PPP1R13L: variants seen among roughly 807,000 people sequenced by gnomAD.
PPP1R13L encodes the protein relA-associated inhibitor.
PPP1R13L carries 50 observed loss-of-function variants against 80.9 expected under a neutral mutation model. The observed-to-expected ratio is 0.62, with a 90% CI of 0.49 to 0.78. The LOEUF (loss-of-function observed/expected upper bound fraction) is 0.78. PPP1R13L is among the 30% of genes least tolerant of loss of function. The pLI, the probability that PPP1R13L is intolerant of heterozygous loss-of-function variation, is 0.00. For missense variants in PPP1R13L, 1,200 were observed against 1,205.9 expected, an observed-to-expected ratio of 1.00 and a Z score of 0.07; for synonymous variants, 602 against 534.3, an observed-to-expected ratio of 1.13 and a Z score of -1.75.
At position 45,385,559 on chromosome 19, in the gene PPP1R13L, C is replaced by T. The variant is rs944775420; in HGVS notation, c.2248+3G>A. ...CCCAGGCGCCAGCAGCCCTGCCTCG[C>T]ACCTGCCAGGTAGGTGGCGCAGTCA... On this transcript the variant is annotated splice_donor_region_variant and intron_variant, in intron 11 of 12. Transcript: ENST00000360957. 5 of 1,608,958 alleles carry T rather than the reference C, an allele frequency of 3.1e-6. No homozygotes were observed. Among genetic ancestry groups the T allele is most frequent in the Non-Finnish European group, 4.2e-6 (5 of 1,177,380 alleles).
chr19:45,405,904 G>T (rs35149616), upstream of PPP1R13L, among the ~76,000 whole-genome samples: 64 of 152,286 alleles, frequency 4.2e-4, no homozygotes, highest in Middle Eastern at 3.4e-3. Context: ...CTGTTTACAC[G>T]CTCCCTGGGG....
chr19:45,391,842 G>C, intron 8 of PPP1R13L, 38 bp downstream of exon 8: 1 of 1,406,988 alleles, frequency 7.1e-7, no homozygotes, highest in Non-Finnish European at 9.3e-7. Flanking sequence ...CTGGATTCAT[G>C]TAGCAAACAT....
chr19:45,382,810 TG>T (rs1291980770), intron 11 of PPP1R13L, 84 bp from the exon 12 acceptor site: 1 of 1,346,686 alleles, frequency 7.4e-7, no homozygotes, highest in African/African-American at 1.5e-5. Flanking sequence ...GGACAGACCC[TG>T]GAATTTGGCG....
Position 45,396,677 on chromosome 19 carries a change from G to A in PPP1R13L, c.580C>T (p.Gln194Ter), listed in dbSNP as rs2123386598. 1 of 1,438,808 alleles carries A rather than the reference G, an allele frequency of 7.0e-7. No individual in the cohort carries two copies. Among genetic ancestry groups the A allele is most frequent in the Non-Finnish European group, 9.0e-7 (1 of 1,107,594 alleles). The allele number at this position is 1,438,808 out of a possible 1,614,324, so 89.1% of individuals were successfully genotyped here. ...GGCCCACGCTCGGGGAAGAAGGCCT[G>A]GGGCCCCTCCGCCAGGGGGCTGCCG... ...PRGSPLAEGPQAFFPERGPSP... is the reference protein window; with the variant it reads ...PRGSPLAEGP Residue 194 changes from glutamine (Q) to a stop codon, truncating the protein, a stop_gained, in exon 4 of 13, where the codon CAG becomes TAG. Transcript: ENST00000360957. LOFTEE classifies it high-confidence loss of function. This position sits in a 1 kb window ranked among gnomAD's most constrained non-coding sequence, Gnocchi z 5.3.
chr19:45,385,077 C>T (rs1213220233), intron 11 of PPP1R13L, among the ~76,000 whole-genome samples: 3 of 151,994 alleles, frequency 2.0e-5, no homozygotes, highest in Admixed American at 6.6e-5. Flanking sequence ...CCTACTTCGC[C>T]CTGCCCGTCG....
chr19:45,390,183 C>T (rs1044237976), intron 8 of PPP1R13L, among the ~76,000 whole-genome samples: 1 of 152,106 alleles, frequency 6.6e-6, no homozygotes, highest in South Asian at 2.1e-4. Flanking sequence ...CTCCGCCTTC[C>T]GGGTTTAAGC....
chr19:45,386,182 T>C lies in PPP1R13L; in HGVS notation c.1816-2A>G. The C allele has an allele frequency of 6.6e-7, 1 of 1,516,272 alleles. No homozygotes were observed. Among genetic ancestry groups the C allele is most frequent in the Non-Finnish European group, 8.7e-7 (1 of 1,146,444 alleles). 93.9% of individuals were successfully genotyped at this position (1,516,272 alleles called of 1,614,324 possible). On this transcript the variant is annotated splice_acceptor_variant, in intron 8 of 12. Transcript: ENST00000360957. LOFTEE classifies it high-confidence loss of function. ...CTTCCGCAGCACAGAGCGCATCTCC[T>C]GGGGGACAGGGCGCAGAGGTCAGCG...
At chr19:45,381,157 C>T (rs1217949730) in intron 12 of PPP1R13L, among the ~76,000 whole-genome samples, 5 of 151,180 alleles carry the variant, frequency 3.3e-5, no homozygotes, top group East Asian at 1.9e-4. Context: ...CAGGCTTAAG[C>T]GATTCTCCTG....
At chr19:45,395,237 T>G in intron 7 of PPP1R13L, 199 bp downstream of exon 7, 1 of 684,900 alleles carries the variant, frequency 1.5e-6, no homozygotes, top group Non-Finnish European at 2.5e-6. Context: ...GCAGTCTGGC[T>G]TCAGGGTCCA....
At chr19:45,401,764 T>G (rs1376504540) in intron 1 of PPP1R13L, among the ~76,000 whole-genome samples, 1 of 151,800 alleles carries the variant, frequency 6.6e-6, no homozygotes, top group African/African-American at 2.4e-5. Context: ...GATGGTATAG[T>G]GCAGCTGGTA....
chr19:45,395,606 G>A lies in PPP1R13L; in HGVS notation c.1184C>T (p.Ser395Phe), dbSNP rs769570892. ...HGASRAMLPG[S>F]PLFTRAPPPK... ...CGGGGGTGCTCGGGTGAAGAGGGGG[G>A]ACCCAGGGAGCATGGCGCGGCTGGC... The change falls in exon 7 of 13, where the codon TCC becomes TTC. Residue 395 changes from serine to phenylalanine, a missense_variant. Physicochemically the swap from Ser to Phe is radical, Grantham distance 155. This residue lies in a region of PPP1R13L where 764 missense variants were observed against 714.5 expected (regional missense o/e 1.07). Transcript: ENST00000360957. 2.7e-5 allele frequency: 40 copies of A among 1,473,236 alleles called. No homozygotes were observed. The highest frequency in any genetic ancestry group is 3.4e-5 in the Non-Finnish European group (38 of 1,115,932). 91.3% of individuals were successfully genotyped at this position (1,473,236 alleles called of 1,614,324 possible).
At chr19:45,390,149 G>A (rs1972942842) in intron 8 of PPP1R13L, among the ~76,000 whole-genome samples, 1 of 152,028 alleles carries the variant, frequency 6.6e-6, no homozygotes, top group Non-Finnish European at 1.5e-5. Context: ...GGAGTGCAGT[G>A]GTGCAGTCTT....
At chr19:45,399,425 C>T (rs1973186043) in intron 1 of PPP1R13L, among the ~76,000 whole-genome samples, 2 of 148,636 alleles carry the variant, frequency 1.3e-5, no homozygotes, top group South Asian at 2.1e-4. Flanking sequence ...GAGAGCGAGA[C>T]CATCCTGGCT....
chr19:45,396,644 G>C lies in PPP1R13L; in HGVS notation c.613C>G (p.Arg205Gly). The C allele has an allele frequency of 6.8e-7, 1 of 1,471,476 alleles. No homozygotes were observed. Among genetic ancestry groups the C allele is most frequent in the Non-Finnish European group, 8.9e-7 (1 of 1,122,068 alleles). 91.2% of individuals were successfully genotyped at this position (1,471,476 alleles called of 1,614,324 possible). Reference protein sequence around the residue: ...AFFPERGPSPRPPATAYDAPA... With the variant: ...AFFPERGPSPGPPATAYDAPA... ...GCGTCGTAGGCTGTGGCAGGGGGGCGCGGTGACGGCCCACGCTCGGGGAAG... is the reference window on the plus strand; with the variant it reads ...GCGTCGTAGGCTGTGGCAGGGGGGCCCGGTGACGGCCCACGCTCGGGGAAG... The change falls in exon 4 of 13, where the codon CGC (arginine) becomes GGC (glycine). Residue 205 changes from arginine to glycine, a missense_variant. Around this residue, in one of 5 missense-constraint regions of PPP1R13L, gnomAD observed 764 missense variants for 714.5 expected, o/e 1.07. Transcript: ENST00000360957. The surrounding 1 kb of genome is among the most constrained non-coding windows in gnomAD (Gnocchi z 5.3).
At position 45,386,143 on chromosome 19, in the gene PPP1R13L, C is replaced by A. The variant is rs759164055; in HGVS notation, c.1853G>T (p.Arg618Leu). The change falls in exon 9 of 13, where the codon CGC (arginine) becomes CTC (leucine). Residue 618 changes from arginine to leucine, a missense_variant. Arg to Leu is a moderately radical substitution (Grantham distance 102, BLOSUM62 -2). Coordinates refer to ENST00000360957, the MANE Select transcript of PPP1R13L (RefSeq NM_006663.4). Reference sequence around the variant, plus strand: ...GTTGAGGCGCGCGCGGCGGGCCTTGCGCGGGGAGCCCGCCTTCCGCAGCAC... The same window carrying A: ...GTTGAGGCGCGCGCGGCGGGCCTTGAGCGGGGAGCCCGCCTTCCGCAGCAC... ...RSVLRKAGSP[R>L]KARRARLNPL... 59 of 1,539,968 alleles carry A rather than the reference C, an allele frequency of 3.8e-5. No individual in the cohort carries two copies. The highest frequency in any genetic ancestry group is 2.1e-4 in the Admixed American group (9 of 43,468).
At chr19:45,391,091 G>A (rs929600086) in intron 8 of PPP1R13L, among the ~76,000 whole-genome samples, 2 of 151,962 alleles carry the variant, frequency 1.3e-5, no homozygotes, top group Admixed American at 1.3e-4. Flanking sequence ...CCAGCTACTT[G>A]GGAAGCTAAA....
chr19:45,384,406 T>G lies in PPP1R13L; in HGVS notation c.2248+1156A>C, dbSNP rs545490947. On this transcript the variant is annotated intron_variant, in intron 11 of 12. Transcript: ENST00000360957. ...AAAAAGTTAGCGGGCCGTGGGGCCC[T>G]TGCCTGTAATCCCAGTTACTCGGGA... 1.8e-4 allele frequency among the ~76,000 whole-genome samples: 27 copies of G among 145,964 alleles called. No individual in the cohort carries two copies. The East Asian group carries it at 5.2e-3, about 28-fold the overall frequency.
chr19:45,381,124 G>A (rs1440580505), intron 12 of PPP1R13L, among the ~76,000 whole-genome samples: 1 of 150,318 alleles, frequency 6.7e-6, no homozygotes, highest in Non-Finnish European at 1.5e-5. Flanking sequence ...GCACCATCAG[G>A]GCTCACTGCA....
Position 45,391,922 on chromosome 19 carries a change from CG to C in PPP1R13L, c.1772del (p.Pro591ArgfsTer46), listed in dbSNP as rs1568557394. On this transcript the variant is annotated frameshift_variant, in exon 8 of 13. Coordinates refer to ENST00000360957, the MANE Select transcript of PPP1R13L (RefSeq NM_006663.4). LOFTEE classifies it high-confidence loss of function. ...APAPPAPIPP[P>X]APSQSSPPEQ... Reference sequence around the variant, plus strand: ...CTGGTGGGCTGCTCTGGGACGGGGCCGGGGGTGGAATGGGAGCTGGTGGGGC... The same window carrying C: ...CTGGTGGGCTGCTCTGGGACGGGGCCGGGGTGGAATGGGAGCTGGTGGGGC... 1 of 1,500,388 alleles carries C rather than the reference CG, an allele frequency of 6.7e-7. No individual in the cohort carries two copies. Among genetic ancestry groups the C allele is most frequent in the Non-Finnish European group, 8.9e-7 (1 of 1,127,986 alleles). The allele number at this position is 1,500,388 out of a possible 1,614,324, so 92.9% of individuals were successfully genotyped here.
Sources: gnomAD v4.1 joint callset for allele counts (sites outside exome capture counted in the v4.1 genomes callset) on GRCh38, gnomAD v4.1.1 for gene constraint, gnomAD v4.1.1 regional missense constraint, Gnocchi (gnomAD v3.1) non-coding constraint, MANE v1.5 for transcripts, NCBI Gene and HGNC (gene_info 2026-07-23, HGNC 2026-07-21) for gene names.